Variants in ERV3-1 observed in about 807,000 individuals in gnomAD.
The protein encoded by ERV3-1 is endogenous retrovirus group 3 member 1 Env polyprotein.
ERV3-1 carries 36 observed loss-of-function variants against 24.6 expected under a neutral mutation model. That is an observed-to-expected ratio of 1.47 (90% confidence interval 1.12 to 1.94). The LOEUF (loss-of-function observed/expected upper bound fraction) is 1.94. ERV3-1 is among the 30% of genes most tolerant of loss of function. The pLI is 0.00. For synonymous variants in ERV3-1, 211 were observed against 122.6 expected, an observed-to-expected ratio of 1.72 and a Z score of -4.76; for missense variants, 578 against 330.9, an observed-to-expected ratio of 1.75 and a Z score of -5.79.
chr7:65,002,653 CTTAAGT>C (rs1347762215), intron 1 of ERV3-1, among the ~76,000 whole-genome samples: 2 of 152,218 alleles, frequency 1.3e-5, no homozygotes, highest in African/African-American at 2.4e-5. Flanking sequence ...TCAAACTTTA[CTTAAGT>C]TTATCTCCTT....
Position 64,991,111 on chromosome 7 carries a change from G to A in ERV3-1, c.*101C>T, listed in dbSNP as rs1261559822. 2.0e-5 allele frequency: 12 copies of A among 602,812 alleles called. No homozygotes were observed. The highest frequency in any genetic ancestry group is 3.5e-5 in the Non-Finnish European group (12 of 338,124). 37.3% of individuals were successfully genotyped at this position (602,812 alleles called of 1,614,324 possible). On this transcript the variant is annotated 3_prime_UTR_variant, in exon 2 of 2. Transcript: ENST00000394323. The stretch of plus-strand genomic sequence containing the variant: ...TTTGACAATGAGGGGTAAGAGACAA[G>A]GGAGTATAAGGCAAACTCCCAATAT...
intron 1 of ERV3-1, chr7:65,006,275 A>T (rs3813702): frequency 0.047 from 25,526 of 547,420 alleles, 954 homozygotes; most frequent in East Asian, 0.17. Context: ...GAGCTGCGGC[A>T]GTGGGGGCAG....
intron 1 of ERV3-1, among the ~76,000 whole-genome samples, chr7:65,001,528 G>A (rs1250871184): frequency 6.6e-6 from 1 of 152,194 alleles, no homozygotes; most frequent in African/African-American, 2.4e-5. Flanking sequence ...GTTTGTGAGT[G>A]GGTGGAAATC....
chr7:64,991,662 T>C lies in ERV3-1; in HGVS notation c.1365A>G (p.Glu455=). The C allele has an allele frequency of 1.4e-6, 1 of 714,502 alleles. No individual in the cohort carries two copies. The highest frequency in any genetic ancestry group is 2.6e-6 in the Non-Finnish European group (1 of 390,656). 44.3% of individuals were successfully genotyped at this position (714,502 alleles called of 1,614,324 possible). A position where few individuals can be genotyped will look rare whatever the true frequency, so the allele number is the denominator to read the frequency against. Residue 455 remains glutamate, a synonymous_variant, in exon 2 of 2, where the codon GAA becomes GAG. Transcript: ENST00000394323. ...SFFLMPLKQG[E]ALGYPIYDET... is the part of the protein sequence containing the mutation. ...CATCATAGATGGGGTATCCTAAGGC[T>C]TCTCCCTGTTTTAGGGGCATTAGGA...
At chr7:64,997,441 C>T (rs1786427731) in intron 1 of ERV3-1, among the ~76,000 whole-genome samples, 1 of 152,182 alleles carries the variant, frequency 6.6e-6, no homozygotes, top group Non-Finnish European at 1.5e-5. Context: ...TTTACAGAGT[C>T]TCTCATAAAA....
At chr7:65,003,010 T>C (rs1003347667) in intron 1 of ERV3-1, among the ~76,000 whole-genome samples, 2 of 152,240 alleles carry the variant, frequency 1.3e-5, no homozygotes, top group Non-Finnish European at 2.9e-5. Context: ...AGTAACAATT[T>C]CATCTGCAGT....
rs1234514352 is a variant in ERV3-1, at chr7:64,992,761, C to T, written c.266G>A (p.Gly89Glu). 1.3e-6 allele frequency: 1 copy of T among 766,244 alleles called. No homozygotes were observed. The highest frequency in any genetic ancestry group is 2.4e-6 in the Non-Finnish European group (1 of 417,920). 47.5% of individuals were successfully genotyped at this position (766,244 alleles called of 1,614,324 possible). A position where few individuals can be genotyped will look rare whatever the true frequency, so the allele number is the denominator to read the frequency against. ...CCCGACATGAATTTCAAACCAGGTC[C>T]CAGGTGAAGACTTAGGGTCATAACA... Reference protein sequence around the residue: ...YVCYDPKSSPGTWFEIHVGSK... With the variant: ...YVCYDPKSSPETWFEIHVGSK... The change falls in exon 2 of 2, where the codon GGG becomes GAG. Residue 89 changes from glycine to glutamate, a missense_variant. Gly to Glu is a moderately conservative substitution (Grantham distance 98). Transcript: ENST00000394323.
chr7:64,992,066 C>T lies in ERV3-1; in HGVS notation c.961G>A (p.Ala321Thr), dbSNP rs768805995. The T allele has an allele frequency of 1.4e-5, 11 of 766,240 alleles. No individual in the cohort carries two copies. The highest frequency in any genetic ancestry group is 6.8e-5 in the Admixed American group (4 of 59,000). 47.5% of individuals were successfully genotyped at this position (766,240 alleles called of 1,614,324 possible). ...GATGGTGCAGGTTCGAGGGAAGAGGCGGTTAGTGTGAAATTATCTTGGGGC... is the reference window on the plus strand; with the variant it reads ...GATGGTGCAGGTTCGAGGGAAGAGGTGGTTAGTGTGAAATTATCTTGGGGC... ...LMPQDNFTLT[A>T]SSLEPAPSSQ... Residue 321 changes from alanine to threonine, a missense_variant, in exon 2 of 2, where the codon GCC becomes ACC. Transcript: ENST00000394323.
At chr7:64,998,594 C>T (rs1243556810) in intron 1 of ERV3-1, among the ~76,000 whole-genome samples, 2 of 152,142 alleles carry the variant, frequency 1.3e-5, no homozygotes, top group African/African-American at 4.8e-5. Flanking sequence ...TGACTTCCCT[C>T]CCATTTCCTC....
intron 1 of ERV3-1, among the ~76,000 whole-genome samples, chr7:64,995,852 G>A (rs542335601): frequency 1.6e-4 from 24 of 152,316 alleles, no homozygotes; most frequent in South Asian, 6.2e-4. Context: ...GCAACAAGGC[G>A]CAGTTGTCAT....
At chr7:65,000,680 G>A (rs1442187430) in intron 1 of ERV3-1, among the ~76,000 whole-genome samples, 1 of 152,150 alleles carries the variant, frequency 6.6e-6, no homozygotes, top group East Asian at 1.9e-4. Flanking sequence ...AGCAACTTGG[G>A]GGGCTGAGGT....
intron 1 of ERV3-1, 144 bp downstream of exon 1, chr7:65,006,397 G>A: frequency 1.5e-6 from 2 of 1,354,552 alleles, no homozygotes; most frequent in Non-Finnish European, 2.1e-6. Flanking sequence ...GAAGGGGACT[G>A]AGGGCCGAGC....
In ERV3-1 at chr7:64,991,271, C is replaced by A. The variant is rs199603027; in HGVS notation, c.1756G>T (p.Glu586Ter). 2.2e-5 allele frequency: 16 copies of A among 735,662 alleles called. No homozygotes were observed. Among genetic ancestry groups the A allele is most frequent in the African/African-American group, 1.9e-4 (11 of 58,788 alleles). The allele number at this position is 735,662 out of a possible 1,614,324, so 45.6% of individuals were successfully genotyped here. ...ELDDEGKVIK[E>*]ITAKIQKLAH... is the part of the protein sequence containing the mutation. ...AACTTTTGGATTTTAGCAGTTATTT[C>A]TTTGATGACCTTTCCTTCGTCATCA... Residue 586 changes from glutamate (E) to a stop codon, truncating the protein, a stop_gained, in exon 2 of 2, where the codon GAA (glutamate) becomes TAA (stop). Transcript: ENST00000394323. LOFTEE classifies it high-confidence loss of function.
Position 64,991,778 on chromosome 7 carries a change from G to A in ERV3-1, c.1249C>T (p.Leu417Phe), listed in dbSNP as rs1365290941. ...APNTWQAPSG[L>F]YWICGPQAYR... Reference sequence around the variant, plus strand: ...GCTTGTGGCCCACAGATCCAGTAGAGGCCAGAGGGTGCCTGCCAGGTATTT... The same window carrying A: ...GCTTGTGGCCCACAGATCCAGTAGAAGCCAGAGGGTGCCTGCCAGGTATTT... The change falls in exon 2 of 2, where the codon CTC (leucine) becomes TTC (phenylalanine). Residue 417 changes from leucine (L) to phenylalanine (F), a missense_variant. By Grantham distance (22) the Leu-to-Phe change is conservative. Coordinates refer to ENST00000394323, the MANE Select transcript of ERV3-1 (RefSeq NM_001007253.4). 1.3e-6 allele frequency: 1 copy of A among 766,202 alleles called. No homozygotes were observed. The highest frequency in any genetic ancestry group is 1.3e-5 in the South Asian group (1 of 74,618). 47.5% of individuals were successfully genotyped at this position (766,202 alleles called of 1,614,324 possible).
At chr7:64,994,640 G>C (rs1397553962) in intron 1 of ERV3-1, among the ~76,000 whole-genome samples, 1 of 152,228 alleles carries the variant, frequency 6.6e-6, no homozygotes, top group Non-Finnish European at 1.5e-5. Context: ...CAGCATCTAA[G>C]AGCTGTAGAA....
In ERV3-1 at chr7:64,993,301, T is replaced by C; in HGVS notation, c.-275A>G. 1 of 364,038 alleles carries C rather than the reference T, an allele frequency of 2.7e-6. No individual in the cohort carries two copies. The highest frequency in any genetic ancestry group is 5.0e-6 in the Non-Finnish European group (1 of 199,176). The allele number at this position is 364,038 out of a possible 1,614,324, so 22.6% of individuals were successfully genotyped here. On this transcript the variant is annotated 5_prime_UTR_variant, in exon 2 of 2. Coordinates refer to ENST00000394323, the MANE Select transcript of ERV3-1 (RefSeq NM_001007253.4). ...GTTGTCATCTCACTGGCACCTTGGTTCCATCGTAGGATCAGCTGGGTTGCA... is the reference window on the plus strand; with the variant it reads ...GTTGTCATCTCACTGGCACCTTGGTCCCATCGTAGGATCAGCTGGGTTGCA...
At position 64,992,884 on chromosome 7, in the gene ERV3-1, TG is replaced by T. The variant is rs1298929975; in HGVS notation, c.142del (p.His48ThrfsTer11). 1 of 766,382 alleles carries T rather than the reference TG, an allele frequency of 1.3e-6. No individual in the cohort carries two copies. The highest frequency in any genetic ancestry group is 1.7e-5 in the African/African-American group (1 of 59,222). The allele number at this position is 766,382 out of a possible 1,614,324, so 47.5% of individuals were successfully genotyped here. ...GNIMTKTLLYHTYYECAGTCL... is the reference protein window; with the variant it reads ...GNIMTKTLLYXTYYECAGTCL... The stretch of plus-strand genomic sequence containing the variant: ...GGTCCCAGCACACTCATAATAAGTG[TG>T]ATACAACAGGGTTTTAGTCATGATG... On this transcript the variant is annotated frameshift_variant, in exon 2 of 2. Coordinates refer to ENST00000394323, the MANE Select transcript of ERV3-1 (RefSeq NM_001007253.4). LOFTEE classifies it high-confidence loss of function.
rs759708303 is a variant in ERV3-1 at position 64,991,830 on chromosome 7, G to T, written c.1197C>A (p.Asn399Lys). The T allele has an allele frequency of 6.5e-6, 5 of 766,128 alleles. No individual in the cohort carries two copies. The South Asian group carries it at 6.7e-5, about 10-fold the overall frequency. 47.5% of individuals were successfully genotyped at this position (766,128 alleles called of 1,614,324 possible). Residue 399 changes from asparagine to lysine, a missense_variant, in exon 2 of 2, where the codon AAC becomes AAA. By Grantham distance (94) the Asn-to-Lys change is moderately conservative. Transcript: ENST00000394323. ...GAGCTTCAAGTTGGTACCAAGAATG[G>T]TTTAAAGATGGGAAACGAGAGAATG... ...PSPFSRFPSL[N>K]HSWYQLEAPN...
intron 1 of ERV3-1, among the ~76,000 whole-genome samples, chr7:64,996,388 CCAGCCCAGGTGGCTTGTCTT>C (rs1259052474): frequency 3.9e-5 from 6 of 152,134 alleles, no homozygotes; most frequent in African/African-American, 1.4e-4. Context: ...TGATTTACAG[CCAGCCCAGGTGGCTTGTCTT>C]CAGCCCATAC....
Sources: allele counts gnomAD v4.1 joint callset (sites outside exome capture counted in the v4.1 genomes callset), GRCh38; gene constraint gnomAD v4.1.1; transcripts MANE v1.5; gene names NCBI Gene and HGNC (gene_info 2026-07-23, HGNC 2026-07-21).